The following FANK1 variants were observed in gnomAD, a reference collection of about 807,000 sequenced individuals.
FANK1 encodes the protein fibronectin type 3 and ankyrin repeat domains protein 1.
FANK1 carries 44 observed loss-of-function variants against 45.3 expected under a neutral mutation model. That is an observed-to-expected ratio of 0.97 (90% CI 0.76 to 1.25). The LOEUF (loss-of-function observed/expected upper bound fraction) is 1.25. FANK1 is among the 50% of genes most tolerant of loss of function. The pLI is 0.00. For synonymous variants in FANK1, 149 were observed against 152.5 expected (o/e 0.98, Z 0.17); for missense variants, 391 against 424.4 (o/e 0.92, Z 0.69).
Position 125,980,195 on chromosome 10 carries a change from C to T in FANK1, c.48C>T (p.Val16=), listed in dbSNP as rs775272096. 7 of 1,613,720 alleles carry T rather than the reference C, an allele frequency of 4.3e-6. No homozygotes were observed. Among genetic ancestry groups the T allele is most frequent in the South Asian group, 2.2e-5 (2 of 90,904 alleles). The change falls in exon 2 of 11, where the codon GTC becomes GTT. Residue 16 remains valine, a synonymous_variant. Transcript: ENST00000368693. The part of the protein sequence containing the change: ...IMPPSKPHPP[V]VGKVTHHSIE... ...CACCCTCAAAGCCTCATCCACCTGT[C>T]GTGGGCAAAGTGACTCATCACAGCA... is the stretch of plus-strand genomic sequence containing the variant.
intron 1 of FANK1, among the ~76,000 whole-genome samples, chr10:125,917,012 C>T (rs1433337870): frequency 6.6e-6 from 1 of 152,166 alleles, no homozygotes; most frequent in African/African-American, 2.4e-5. Flanking sequence ...CCTTTTTGTC[C>T]TCTCACAATT....
chr10:125,957,950 T>C (rs536922093), intron 1 of FANK1, among the ~76,000 whole-genome samples: 1 of 152,294 alleles, frequency 6.6e-6, no homozygotes, highest in East Asian at 1.9e-4. Context: ...TTGACTTTTT[T>C]GGCCCATATT....
At chr10:125,996,745 C>A in intron 5 of FANK1, 121 bp downstream of exon 5, 1 of 868,014 alleles carries the variant, frequency 1.2e-6, no homozygotes, top group Non-Finnish European at 1.8e-6. Flanking sequence ...TCTTTTCTAT[C>A]TCCCAAACCG....
chr10:125,987,347 G>T (rs1951628100), intron 2 of FANK1, among the ~76,000 whole-genome samples: 1 of 151,928 alleles, frequency 6.6e-6, no homozygotes, highest in Non-Finnish European at 1.5e-5. Flanking sequence ...GAATCACAAA[G>T]AATGATTCTG....
chr10:125,996,236 A>G (rs1194133063), intron 4 of FANK1, among the ~76,000 whole-genome samples: 2 of 152,224 alleles, frequency 1.3e-5, no homozygotes. Flanking sequence ...GTCCTCAGCT[A>G]TCTTAAAGAG....
At chr10:125,939,586 G>A (rs9787544) in intron 1 of FANK1, among the ~76,000 whole-genome samples, 48,228 of 151,862 alleles carry the variant, frequency 0.32, 7,988 homozygotes, top group East Asian at 0.46. Context: ...TGATTTCAGG[G>A]CATTTTAAAT....
At position 125,925,554 on chromosome 10, in the gene FANK1, C is replaced by T. The variant is rs113270267; in HGVS notation, c.13+28899C>T. On this transcript the variant is annotated intron_variant, in intron 1 of 10. Transcript: ENST00000368693. Reference sequence around the variant, plus strand: ...TCTTTAGAGTGATGTGTGCCACCACCGCCAAATAATTGTTTTTATTTCTTT... The same window carrying T: ...TCTTTAGAGTGATGTGTGCCACCACTGCCAAATAATTGTTTTTATTTCTTT... Among the ~76,000 whole-genome samples, 24 of 152,134 alleles carry T rather than the reference C, an allele frequency of 1.6e-4. No individual in the cohort carries two copies. In the South Asian group the frequency reaches 2.1e-3, roughly 13 times the overall value.
At chr10:125,907,496 A>C (rs946102619) in intron 1 of FANK1, 1 of 985,224 alleles carries the variant, frequency 1.0e-6, no homozygotes, top group Non-Finnish European at 1.2e-6. Flanking sequence ...GATGAAATCG[A>C]GTGAACGTGA....
chr10:125,971,932 G>T (rs143484695), intron 1 of FANK1, among the ~76,000 whole-genome samples: 7 of 151,980 alleles, frequency 4.6e-5, no homozygotes, highest in Non-Finnish European at 1.0e-4. Flanking sequence ...CGGCCGCTCC[G>T]GTCTACATTT....
At chr10:125,948,755 C>A (rs1197979069) in intron 1 of FANK1, among the ~76,000 whole-genome samples, 1 of 151,844 alleles carries the variant, frequency 6.6e-6, no homozygotes, top group African/African-American at 2.4e-5. Context: ...GGAATCCTCC[C>A]TAACTCATTT....
intron 1 of FANK1, among the ~76,000 whole-genome samples, chr10:125,897,896 C>T (rs1482563576): frequency 1.3e-5 from 2 of 149,026 alleles, no homozygotes; most frequent in Admixed American, 6.8e-5. Flanking sequence ...GTGGCTCACG[C>T]CTGTAATCCC....
chr10:125,924,906 C>T (rs1386937133), intron 1 of FANK1, among the ~76,000 whole-genome samples: 1 of 149,278 alleles, frequency 6.7e-6, no homozygotes, highest in Non-Finnish European at 1.5e-5. Context: ...ATGAATTTGC[C>T]TTATTTTATC....
intron 1 of FANK1, among the ~76,000 whole-genome samples, chr10:125,910,756 T>TGGGTGC (rs1022640432): frequency 6.6e-6 from 1 of 151,292 alleles, no homozygotes; most frequent in African/African-American, 2.4e-5. Context: ...GTCCACAGGC[T>TGGGTGC]GGGTGCGGTG....
chr10:125,956,916 T>C (rs1949614207), intron 1 of FANK1, among the ~76,000 whole-genome samples: 1 of 152,198 alleles, frequency 6.6e-6, no homozygotes, highest in African/African-American at 2.4e-5. Context: ...TGGCGCGATC[T>C]CAGCTCACTG....
chr10:125,996,490 G>A (rs1203207201), intron 4 of FANK1, 60 bp from the exon 5 acceptor site: 1 of 1,534,270 alleles, frequency 6.5e-7, no homozygotes, highest in Admixed American at 1.8e-5. Context: ...AGAACCACCG[G>A]CTTTGACTCT....
intron 1 of FANK1, among the ~76,000 whole-genome samples, chr10:125,978,073 C>T (rs990988719): frequency 1.3e-5 from 2 of 151,928 alleles, no homozygotes; most frequent in African/African-American, 4.8e-5. Flanking sequence ...CCCACTTTTC[C>T]ATAGGGCTGC....
chr10:125,944,773 C>A (rs1468167488), intron 1 of FANK1, among the ~76,000 whole-genome samples: 17 of 152,244 alleles, frequency 1.1e-4, no homozygotes, highest in Admixed American at 9.2e-4. Context: ...CGGCCCATCC[C>A]TTCCTTTCCC....
At chr10:125,961,257 C>T (rs1242018264) in intron 1 of FANK1, among the ~76,000 whole-genome samples, 1 of 152,166 alleles carries the variant, frequency 6.6e-6, no homozygotes, top group Non-Finnish European at 1.5e-5. Flanking sequence ...CAGGTACGTG[C>T]AACCATGCCT....
chr10:125,941,532 A>C (rs770013893), intron 1 of FANK1, among the ~76,000 whole-genome samples: 1 of 152,228 alleles, frequency 6.6e-6, no homozygotes, highest in Non-Finnish European at 1.5e-5. Context: ...GCTATTGACT[A>C]ATAGATTTCA....
Sources: allele counts gnomAD v4.1 joint callset (sites outside exome capture counted in the v4.1 genomes callset), GRCh38; gene constraint gnomAD v4.1.1; transcripts MANE v1.5; gene names NCBI Gene and HGNC (gene_info 2026-07-23, HGNC 2026-07-21).